The following EBF2 variants were observed in gnomAD, a reference collection of about 807,000 sequenced individuals.
EBF2 encodes EBF transcription factor 2, also known as transcription factor COE2.
In EBF2, 21 loss-of-function variants were observed where a neutral mutation model predicts 72.8. The ratio of observed to expected loss-of-function variants is 0.29; its 90% CI spans 0.20 to 0.42. The LOEUF (loss-of-function observed/expected upper bound fraction) is 0.42. EBF2 is among the 10% of genes least tolerant of loss of function. The pLI is 1.00. For synonymous variants in EBF2, 299 were observed against 274.2 expected (o/e 1.09, Z -0.89); for missense variants, 637 against 731.2 (o/e 0.87, Z 1.49).
At chr8:25,846,300 A>G (rs10503775) in intron 15 of EBF2, among the ~76,000 whole-genome samples, 45,337 of 151,816 alleles carry the variant, frequency 0.3, 6,939 homozygotes, top group South Asian at 0.41. Flanking sequence ...ATATTATCTC[A>G]ACAATCTATA....
At chr8:25,851,545 CATGCAAGATGATAAT>C (rs1801974288) in intron 14 of EBF2, among the ~76,000 whole-genome samples, 1 of 152,100 alleles carries the variant, frequency 6.6e-6, no homozygotes, top group South Asian at 2.1e-4. Flanking sequence ...CAAGTTATAT[CATGCAAGATGATAAT>C]TTTATCTTCT....
chr8:25,849,794 A>T (rs140599391), intron 15 of EBF2, among the ~76,000 whole-genome samples: 11 of 152,284 alleles, frequency 7.2e-5, no homozygotes, highest in African/African-American at 2.4e-4. Flanking sequence ...TGACTTTTCT[A>T]TTCTCCACAA....
At chr8:25,891,406 T>C (rs955079488) in intron 7 of EBF2, among the ~76,000 whole-genome samples, 1 of 152,088 alleles carries the variant, frequency 6.6e-6, no homozygotes, top group African/African-American at 2.4e-5. Flanking sequence ...ATTATATACA[T>C]ACTCACAAAC....
intron 6 of EBF2, among the ~76,000 whole-genome samples, chr8:26,028,854 G>A (rs559039358): frequency 1.3e-5 from 2 of 152,266 alleles, no homozygotes; most frequent in South Asian, 4.1e-4. Flanking sequence ...TTTTTCCCCT[G>A]ATGGGGACTT....
intron 4 of EBF2, 86 bp downstream of exon 4, chr8:26,040,527 TGGA>T (rs942480767): frequency 3.4e-6 from 4 of 1,193,648 alleles, no homozygotes; most frequent in Non-Finnish European, 3.5e-6. Flanking sequence ...CAGGAAATCG[TGGA>T]GGAGGGGCAG....
chr8:25,858,650 GCTTT>G, intron 13 of EBF2, 146 bp from the exon 14 acceptor site: 2 of 224,270 alleles, frequency 8.9e-6, no homozygotes, highest in South Asian at 7.5e-5. Context: ...TCCATCTTTA[GCTTT>G]TTTTTTTTTT....
At chr8:25,988,844 A>C (rs1804501147) in intron 6 of EBF2, among the ~76,000 whole-genome samples, 1 of 152,220 alleles carries the variant, frequency 6.6e-6, no homozygotes, top group East Asian at 1.9e-4. Context: ...AAATAGTGGA[A>C]AAGCAAGAAC....
Position 26,040,689 on chromosome 8 carries a change from G to T in EBF2, c.353-18C>A, listed in dbSNP as rs1023686284. 9.0e-6 allele frequency: 14 copies of T among 1,553,600 alleles called. No homozygotes were observed. Among genetic ancestry groups the T allele is most frequent in the African/African-American group, 2.7e-5 (2 of 73,234 alleles). On this transcript the variant is annotated intron_variant, in intron 3 of 15. Transcript: ENST00000520164. ...GCGGACACCTGCGGGGACCGGAGGG[G>T]CACGAGTCAAGGGCCGTAGAGCCCC... is the stretch of plus-strand genomic sequence containing the variant.
intron 10 of EBF2, among the ~76,000 whole-genome samples, chr8:25,876,110 CA>C (rs1271479026): frequency 6.6e-6 from 1 of 152,158 alleles, no homozygotes; most frequent in Non-Finnish European, 1.5e-5. Flanking sequence ...GTCATATTTG[CA>C]GGGACATGGA....
rs1480351716 is a variant in EBF2 at position 26,042,202 on chromosome 8, A to G, written c.181T>C (p.Leu61=). The G allele has an allele frequency of 2.5e-6, 4 of 1,614,042 alleles. No homozygotes were observed. In the African/African-American group the frequency reaches 4.0e-5, roughly 16 times the overall value. The change falls in exon 2 of 16, where the codon TTG becomes CTG. Residue 61 remains leucine, a synonymous_variant. Transcript: ENST00000520164. ...AHFEKQPPSN[L]RKSNFFHFVL... Reference sequence around the variant, plus strand: ...AAGTGAAAGAAGTTGGATTTCCTCAAGTTGGAAGGAGGCTGTTTCTCAAAG... The same window carrying G: ...AAGTGAAAGAAGTTGGATTTCCTCAGGTTGGAAGGAGGCTGTTTCTCAAAG...
intron 6 of EBF2, among the ~76,000 whole-genome samples, chr8:26,024,707 C>T (rs1237822855): frequency 6.6e-6 from 1 of 152,150 alleles, no homozygotes; most frequent in Admixed American, 6.5e-5. Flanking sequence ...GTGTCTGTAG[C>T]ATCCAAGCCA....
chr8:25,899,659 G>T (rs932796072), intron 7 of EBF2, among the ~76,000 whole-genome samples: 1 of 152,188 alleles, frequency 6.6e-6, no homozygotes, highest in Non-Finnish European at 1.5e-5. Flanking sequence ...TTGCTGGATG[G>T]AGCTTGGCTC....
chr8:25,964,292 C>G (rs149482858), intron 6 of EBF2, among the ~76,000 whole-genome samples: 6 of 152,234 alleles, frequency 3.9e-5, no homozygotes, highest in East Asian at 3.9e-4. Context: ...AAATTAAGAT[C>G]ATATCTAAAC....
rs147357139 is a variant in EBF2, at chr8:25,850,775, G to T, written c.1529-14C>A. 5.1e-4 allele frequency: 784 copies of T among 1,550,032 alleles called. 4 individuals carry two copies. In the African/African-American group the frequency reaches 0.01, roughly 20 times the overall value. ...TTGATGACATGACTGGAAAGCAAAT[G>T]CACAATCCTCATTTAGAAATTAAGA... On this transcript the variant is annotated splice_polypyrimidine_tract_variant and intron_variant, in intron 14 of 15. Transcript: ENST00000520164.
At chr8:25,971,301 C>T (rs1201337216) in intron 6 of EBF2, among the ~76,000 whole-genome samples, 1 of 152,166 alleles carries the variant, frequency 6.6e-6, no homozygotes, top group Non-Finnish European at 1.5e-5. Flanking sequence ...TAAGCCAATA[C>T]CTCCTGTCAC....
intron 6 of EBF2, among the ~76,000 whole-genome samples, chr8:25,998,894 G>A (rs370328491): frequency 7.2e-5 from 11 of 152,138 alleles, no homozygotes; most frequent in Non-Finnish European, 1.3e-4. Flanking sequence ...AAATACACTC[G>A]TCACCACCGT....
At chr8:25,850,478 C>G (rs1418904240) in intron 15 of EBF2, 116 bp downstream of exon 15, 9 of 1,272,936 alleles carry the variant, frequency 7.1e-6, no homozygotes, top group Non-Finnish European at 3.1e-6. Context: ...ATGATAAGAA[C>G]AGCAAAGCAT....
chr8:25,899,856 CCACCCT>C, intron 7 of EBF2, among the ~76,000 whole-genome samples: 1 of 87,148 alleles, frequency 1.1e-5, no homozygotes, highest in Non-Finnish European at 3.3e-5. Flanking sequence ...CATGATCCAA[CCACCCT>C]GTGGACGCCA....
chr8:26,035,403 G>A (rs28692966), intron 5 of EBF2, among the ~76,000 whole-genome samples: 48,865 of 151,954 alleles, frequency 0.32, 8,544 homozygotes, highest in African/African-American at 0.45. Context: ...GCCCACATCG[G>A]CCTCCCAAAG....
Sources: gnomAD v4.1 joint callset for allele counts (sites outside exome capture counted in the v4.1 genomes callset) on GRCh38, gnomAD v4.1.1 for gene constraint, MANE v1.5 for transcripts, NCBI Gene and HGNC (gene_info 2026-07-23, HGNC 2026-07-21) for gene names.